The following DLEU7 variants were observed in gnomAD, a reference collection of about 807,000 sequenced individuals.
DLEU7 encodes deleted in lymphocytic leukemia 7.
In DLEU7, 17 loss-of-function variants were observed where a neutral mutation model predicts 16.0. That is an observed-to-expected ratio of 1.06 (90% confidence interval 0.73 to 1.59). The LOEUF (loss-of-function observed/expected upper bound fraction) is 1.59, where lower values mean the gene tolerates loss of function less well. Ranked by LOEUF, DLEU7 falls within the 40% of genes most tolerant of loss-of-function variation. The probability of loss-of-function intolerance (pLI) is 0.00; values close to 1 mark genes in which losing one functional copy is unlikely to be tolerated. For synonymous variants in DLEU7, 113 were observed against 139.8 expected, an observed-to-expected ratio of 0.81 and a Z score of 1.35; for missense variants, 308 against 314.9, an observed-to-expected ratio of 0.98 and a Z score of 0.17.
In DLEU7 at chr13:50,735,809, C is replaced by T. The variant is rs561134088; in HGVS notation, c.460-22569G>A. On this transcript the variant is annotated intron_variant, in intron 1 of 1. Coordinates refer to the DLEU7 transcript ENST00000400393. The stretch of plus-strand genomic sequence containing the variant: ...CGAAAATCAAAACTACAATGAATAC[C>T]GCCTCACATCAGTCGGCATGATTAT... Among the ~76,000 whole-genome samples the T allele has an allele frequency of 2.4e-3, 362 of 152,144 alleles. 1 individual carries two copies. The highest frequency in any genetic ancestry group is 4.0e-3 in the Non-Finnish European group (271 of 67,984).
chr13:50,830,661 A>G (rs1877233158), intron 1 of DLEU7, among the ~76,000 whole-genome samples: 3 of 152,238 alleles, frequency 2.0e-5, no homozygotes. Flanking sequence ...AGGCAATCCA[A>G]TCAAAGAAAT....
downstream of DLEU7, chr13:50,822,668 CAT>C (rs1269608668): frequency 1.0e-6 from 1 of 985,134 alleles, no homozygotes; most frequent in Admixed American, 6.2e-5. Context: ...TTTGTATTTA[CAT>C]ATCATACATG....
intron 1 of DLEU7, among the ~76,000 whole-genome samples, chr13:50,782,343 C>T (rs1875677794): frequency 6.6e-6 from 1 of 152,204 alleles, no homozygotes; most frequent in Admixed American, 6.5e-5. Flanking sequence ...CCATGGTAAT[C>T]ATTTTCCCAG....
intron 1 of DLEU7, among the ~76,000 whole-genome samples, chr13:50,723,725 T>G (rs1473783875): frequency 6.6e-6 from 1 of 151,960 alleles, no homozygotes; most frequent in Admixed American, 6.6e-5. Context: ...CTAAGCCTAT[T>G]TATCTCCCAA....
chr13:50,752,805 CAA>C (rs1356804478), intron 1 of DLEU7, among the ~76,000 whole-genome samples: 1 of 152,078 alleles, frequency 6.6e-6, no homozygotes, highest in Non-Finnish European at 1.5e-5. Flanking sequence ...AGATTTATTG[CAA>C]AGAGTGAAAG....
At chr13:50,735,317 A>G (rs1030409423) in intron 1 of DLEU7, among the ~76,000 whole-genome samples, 1 of 152,180 alleles carries the variant, frequency 6.6e-6, no homozygotes, top group Non-Finnish European at 1.5e-5. Context: ...TGATATTTAT[A>G]GAGTACTTCA....
At chr13:50,789,939 TTCTTTC>T (rs1449529621) in intron 1 of DLEU7, among the ~76,000 whole-genome samples, 98 of 142,680 alleles carry the variant, frequency 6.9e-4, no homozygotes, top group African/African-American at 2.4e-3. Flanking sequence ...CTTTCTTTCT[TTCTTTC>T]TTTTTTTTTT....
At chr13:50,746,559 A>T (rs1874401492) in intron 1 of DLEU7, among the ~76,000 whole-genome samples, 1 of 152,216 alleles carries the variant, frequency 6.6e-6, no homozygotes, top group Non-Finnish European at 1.5e-5. Flanking sequence ...ATTTTTGACT[A>T]ATACCTTCCC....
chr13:50,745,684 C>G (rs1465818150), intron 1 of DLEU7, among the ~76,000 whole-genome samples: 1 of 152,076 alleles, frequency 6.6e-6, no homozygotes, highest in African/African-American at 2.4e-5. Context: ...TCATGACAAG[C>G]TGAAATGAAA....
At chr13:50,740,548 T>TA (rs1275341547) in intron 1 of DLEU7, among the ~76,000 whole-genome samples, 1 of 152,032 alleles carries the variant, frequency 6.6e-6, no homozygotes, top group Non-Finnish European at 1.5e-5. Context: ...AGGCAGTCAC[T>TA]ACCATTCCAC....
intron 1 of DLEU7, among the ~76,000 whole-genome samples, chr13:50,813,266 A>T (rs1449661471): frequency 6.6e-6 from 1 of 152,150 alleles, no homozygotes; most frequent in East Asian, 1.9e-4. Context: ...CCTTCCTTAC[A>T]TCACTAAAAA....
At chr13:50,804,863 G>A (rs1280847777) in intron 1 of DLEU7, among the ~76,000 whole-genome samples, 1 of 146,286 alleles carries the variant, frequency 6.8e-6, no homozygotes, top group African/African-American at 2.7e-5. Flanking sequence ...TTTTAATATA[G>A]GAAGGATGAT....
intron 1 of DLEU7, among the ~76,000 whole-genome samples, chr13:50,752,764 G>T (rs1874611721): frequency 6.6e-6 from 1 of 152,084 alleles, no homozygotes; most frequent in South Asian, 2.1e-4. Flanking sequence ...GCTCATAAAG[G>T]CAGTGTGGAC....
intron 1 of DLEU7, among the ~76,000 whole-genome samples, chr13:50,836,884 G>T (rs1285523522): frequency 6.6e-6 from 1 of 152,126 alleles, no homozygotes; most frequent in Non-Finnish European, 1.5e-5. Flanking sequence ...CTACATAAAA[G>T]GGGAGTGATG....
At chr13:50,740,230 G>A (rs1874215238) in intron 1 of DLEU7, among the ~76,000 whole-genome samples, 1 of 152,064 alleles carries the variant, frequency 6.6e-6, no homozygotes, top group South Asian at 2.1e-4. Flanking sequence ...AAACTGAAAC[G>A]GTATGCACAA....
chr13:50,819,561 T>A (rs758267896), downstream of DLEU7, among the ~76,000 whole-genome samples: 11 of 151,952 alleles, frequency 7.2e-5, no homozygotes, highest in Non-Finnish European at 1.0e-4. Flanking sequence ...GCTATGGAAG[T>A]AGTGAGAAGT....
chr13:50,752,754 G>A (rs2137735938), intron 1 of DLEU7, among the ~76,000 whole-genome samples: 1 of 152,242 alleles, frequency 6.6e-6, no homozygotes, highest in Non-Finnish European at 1.5e-5. Context: ...GAGTGTTATA[G>A]CTCATAAAGG....
chr13:50,828,271 A>G (rs1307459842), intron 1 of DLEU7, among the ~76,000 whole-genome samples: 1 of 152,244 alleles, frequency 6.6e-6, no homozygotes, highest in South Asian at 2.1e-4. Flanking sequence ...AAAGCTGTCT[A>G]TATTATAATG....
chr13:50,765,810 G>A (rs1167439136), intron 1 of DLEU7, among the ~76,000 whole-genome samples: 1 of 152,182 alleles, frequency 6.6e-6, no homozygotes, highest in African/African-American at 2.4e-5. Context: ...TTGTTGTGGA[G>A]GCACTCAACA....
Sources: allele counts gnomAD v4.1 joint callset (sites outside exome capture counted in the v4.1 genomes callset), GRCh38; gene constraint gnomAD v4.1.1; transcripts MANE v1.5; gene names NCBI Gene and HGNC (gene_info 2026-07-23, HGNC 2026-07-21).